The following ZNF44 variants were observed in gnomAD, a reference collection of about 807,000 sequenced individuals.
ZNF44 encodes zinc finger protein 44.
A neutral mutation model predicts 11.7 loss-of-function variants in ZNF44; 9 were observed. The observed-to-expected ratio is 0.77, with a 90% CI of 0.46 to 1.35. ZNF44 has a LOEUF of 1.35. Among genes scored for constraint, ZNF44 ranks in the 40% most tolerant of loss-of-function variants. The probability of loss-of-function intolerance (pLI) is 0.00; values close to 1 mark genes in which losing one functional copy is unlikely to be tolerated. For missense variants in ZNF44, 696 were observed against 743.1 expected (o/e 0.94, Z 0.74); for synonymous variants, 224 against 242.7 (o/e 0.92, Z 0.72).
At chr19:12,226,800 G>A (rs1054418258) in intron 3 of ZNF44, among the ~76,000 whole-genome samples, 2 of 151,948 alleles carry the variant, frequency 1.3e-5, no homozygotes, top group Non-Finnish European at 2.9e-5. Flanking sequence ...GGCGTGGTGG[G>A]TCCCATCTGT....
At chr19:12,231,342 A>G (rs906333072) in intron 2 of ZNF44, among the ~76,000 whole-genome samples, 27 of 152,260 alleles carry the variant, frequency 1.8e-4, no homozygotes, top group African/African-American at 6.5e-4. Context: ...CCAAGAGGAC[A>G]TCAGGCTGCT....
intron 2 of ZNF44, among the ~76,000 whole-genome samples, chr19:12,231,355 C>T (rs1239478177): frequency 2.0e-5 from 3 of 152,070 alleles, no homozygotes; most frequent in Non-Finnish European, 4.4e-5. Flanking sequence ...AGGCTGCTGT[C>T]CCTCCCCGCC....
At chr19:12,239,882 G>A (rs962128666), upstream of ZNF44, among the ~76,000 whole-genome samples, 7 of 151,826 alleles carry the variant, frequency 4.6e-5, no homozygotes, top group African/African-American at 4.8e-5. Flanking sequence ...CCCAAGTTGC[G>A]TTTTTATATA....
At chr19:12,250,892 C>T (rs1178828114) in intron 5 of ZNF44, 3 of 442,540 alleles carry the variant, frequency 6.8e-6, no homozygotes, top group African/African-American at 2.0e-5. Flanking sequence ...CTAGGATATT[C>T]GAGGTAGTCA....
intron 1 of ZNF44, among the ~76,000 whole-genome samples, chr19:12,288,783 T>C (rs1456757432): frequency 7.9e-6 from 1 of 126,076 alleles, no homozygotes; most frequent in African/African-American, 3.4e-5. Context: ...TGTATATATA[T>C]ATATATATAT....
At chr19:12,256,527 A>G (rs1917264384) in intron 5 of ZNF44, among the ~76,000 whole-genome samples, 2 of 152,110 alleles carry the variant, frequency 1.3e-5, no homozygotes, top group Non-Finnish European at 2.9e-5. Flanking sequence ...TATGTCAGAG[A>G]GGATGCGGTC....
chr19:12,288,804 A>ATATATATATATATATATG (rs1967878927), intron 1 of ZNF44, among the ~76,000 whole-genome samples: 1 of 128,248 alleles, frequency 7.8e-6, no homozygotes, highest in Non-Finnish European at 1.7e-5. Context: ...ATATATATAT[A>ATATATATATATATATATG]TGAAATCACC....
intron 1 of ZNF44, among the ~76,000 whole-genome samples, chr19:12,284,093 G>A (rs1157459263): frequency 2.0e-5 from 3 of 152,154 alleles, no homozygotes; most frequent in Non-Finnish European, 2.9e-5. Flanking sequence ...AAAAGGATTC[G>A]TGTATAAAGT....
At chr19:12,257,852 T>C (rs1917325690) in intron 5 of ZNF44, among the ~76,000 whole-genome samples, 1 of 147,676 alleles carries the variant, frequency 6.8e-6, no homozygotes, top group Non-Finnish European at 1.5e-5. Flanking sequence ...ACGCCTGTAA[T>C]CCCAGCTACT....
chr19:12,254,030 T>C (rs1196210486), intron 5 of ZNF44, among the ~76,000 whole-genome samples: 1 of 151,902 alleles, frequency 6.6e-6, no homozygotes, highest in African/African-American at 2.4e-5. Context: ...CACCAAACAA[T>C]AGATTCCACT....
chr19:12,258,004 G>A (rs778969886), intron 5 of ZNF44, among the ~76,000 whole-genome samples: 1 of 150,832 alleles, frequency 6.6e-6, no homozygotes, highest in Non-Finnish European at 1.5e-5. Context: ...AAAAAAAACA[G>A]GCCAGGCCAA....
chr19:12,236,600 T>G lies in ZNF44; in HGVS notation n.138+852A>C, dbSNP rs543258933. Among the ~76,000 whole-genome samples the G allele has an allele frequency of 2.6e-4, 40 of 152,312 alleles. No individual in the cohort carries two copies. The South Asian group carries it at 8.1e-3, about 31-fold the overall frequency. On this transcript the variant is annotated intron_variant and non_coding_transcript_variant, in intron 1 of 3. Transcript: ENST00000597563. The stretch of plus-strand genomic sequence containing the variant: ...GAACTCTCAGCCTGCAAGTTAAATA[T>G]TTCACTGACCTGTACTGATGACAAC...
intron 5 of ZNF44, chr19:12,260,278 A>C: frequency 2.4e-6 from 2 of 838,600 alleles, no homozygotes. Context: ...GTGGGCGTGG[A>C]GCCGGCAGCC....
intron 1 of ZNF44, among the ~76,000 whole-genome samples, chr19:12,235,352 G>C (rs893832301): frequency 6.6e-6 from 1 of 152,152 alleles, no homozygotes; most frequent in Non-Finnish European, 1.5e-5. Flanking sequence ...CTGGGCGAAA[G>C]AGCGAGACTC....
At chr19:12,285,635 T>C (rs1375835408) in intron 1 of ZNF44, among the ~76,000 whole-genome samples, 1 of 152,096 alleles carries the variant, frequency 6.6e-6, no homozygotes, top group Non-Finnish European at 1.5e-5. Flanking sequence ...CCAGCAATGT[T>C]CCCCCATGTG....
chr19:12,270,782 C>T (rs1378555550), downstream of ZNF44, among the ~76,000 whole-genome samples: 3 of 152,044 alleles, frequency 2.0e-5, no homozygotes, highest in South Asian at 2.1e-4. Flanking sequence ...ATTTATGTTG[C>T]CTTGATTCTA....
At chr19:12,261,435 A>G (rs1917502549) in intron 5 of ZNF44, among the ~76,000 whole-genome samples, 2 of 152,216 alleles carry the variant, frequency 1.3e-5, no homozygotes, top group African/African-American at 4.8e-5. Flanking sequence ...GGAGTTCAAG[A>G]CCAGCCTGAG....
chr19:12,291,443 A>T (rs541212148), intron 1 of ZNF44, among the ~76,000 whole-genome samples: 207 of 152,342 alleles, frequency 1.4e-3, no homozygotes, highest in African/African-American at 4.8e-3. Context: ...AGACCTGAGA[A>T]ACCTATTACA....
chr19:12,235,339 G>A (rs534117438), intron 1 of ZNF44, among the ~76,000 whole-genome samples: 2 of 152,102 alleles, frequency 1.3e-5, no homozygotes, highest in African/African-American at 2.4e-5. Context: ...ACTGCAGTCC[G>A]ACCTGGGCGA....
Sources: allele counts gnomAD v4.1 joint callset (sites outside exome capture counted in the v4.1 genomes callset), GRCh38; gene constraint gnomAD v4.1.1; transcripts MANE v1.5; gene names NCBI Gene and HGNC (gene_info 2026-07-23, HGNC 2026-07-21).